Variants in ARHGAP32 observed in about 807,000 individuals in gnomAD.
The protein encoded by ARHGAP32 is rho GTPase-activating protein 32.
A neutral mutation model predicts 186.5 loss-of-function variants in ARHGAP32; 51 were observed. The observed-to-expected ratio is 0.27, with a 90% confidence interval of 0.22 to 0.35. The LOEUF (loss-of-function observed/expected upper bound fraction) is 0.35. Ranked by LOEUF, ARHGAP32 falls within the 10% of genes least tolerant of loss-of-function variation. ARHGAP32 has a pLI of 1.00. For synonymous variants in ARHGAP32, 950 were observed against 964.3 expected, an observed-to-expected ratio of 0.99 and a Z score of 0.27; for missense variants, 2,186 against 2,623.5, an observed-to-expected ratio of 0.83 and a Z score of 3.64.
rs776624375 is a variant in ARHGAP32 at position 129,192,123 on chromosome 11, C to T, written c.76G>A (p.Val26Met). The T allele has an allele frequency of 9.9e-6, 16 of 1,613,882 alleles. No homozygotes were observed. The South Asian group carries it at 1.8e-4, about 18-fold the overall frequency. ...CTTTCTTCCTCTTCACAGTCAGTCA[C>T]CTGGATTATAACTTCAGACTCCAAC... ...FWLESEVIIQ[V>M]TDCEEEEREE... The change falls in exon 1 of 23, where the codon GTG (valine) becomes ATG (methionine). Residue 26 changes from valine to methionine, a missense_variant. Val to Met is a conservative substitution (Grantham distance 21). Around this residue, in one of 5 missense-constraint regions of ARHGAP32, gnomAD observed 108 missense variants for 116.8 expected, o/e 0.92. Transcript: ENST00000682385.
At chr11:129,124,115 C>T (rs1591634179) in intron 3 of ARHGAP32, among the ~76,000 whole-genome samples, 186 bp from the exon 4 acceptor site, 1 of 152,060 alleles carries the variant, frequency 6.6e-6, no homozygotes, top group Non-Finnish European at 1.5e-5. Context: ...CAGATTTTTT[C>T]AGATTTTGGA....
At chr11:129,107,666 C>T (rs963848904) in intron 5 of ARHGAP32, among the ~76,000 whole-genome samples, 83 of 151,970 alleles carry the variant, frequency 5.5e-4, no homozygotes, top group African/African-American at 1.9e-3. Context: ...GTCAGGAGTT[C>T]GAGACCAGCC....
chr11:129,224,599 C>G (rs773143423), intron 1 of ARHGAP32, among the ~76,000 whole-genome samples: 1 of 151,878 alleles, frequency 6.6e-6, no homozygotes, highest in Non-Finnish European at 1.5e-5. Flanking sequence ...TGAAAACCAG[C>G]AACACATAAT....
upstream of ARHGAP32, among the ~76,000 whole-genome samples, chr11:129,193,740 T>A (rs1382231255): frequency 2.1e-3 from 193 of 93,694 alleles, 3 homozygotes; most frequent in African/African-American, 6.9e-3. Flanking sequence ...ATAATATATA[T>A]TATATAATAC....
At chr11:129,108,789 T>C (rs942250074) in intron 5 of ARHGAP32, among the ~76,000 whole-genome samples, 17 of 152,318 alleles carry the variant, frequency 1.1e-4, no homozygotes, top group African/African-American at 3.4e-4. Context: ...AATTTTTAAA[T>C]TGATACATAA....
chr11:129,065,372 G>A (rs73017238), intron 7 of ARHGAP32, among the ~76,000 whole-genome samples: 7 of 151,950 alleles, frequency 4.6e-5, no homozygotes, highest in Admixed American at 1.3e-4. Context: ...TGGTTCAGCC[G>A]ATTGGTCCAG....
At chr11:129,097,583 A>C (rs11221563) in intron 5 of ARHGAP32, among the ~76,000 whole-genome samples, 29,666 of 152,098 alleles carry the variant, frequency 0.2, 3,089 homozygotes, top group Non-Finnish European at 0.23. Flanking sequence ...AGAAACAATT[A>C]GTTAACTTAA....
intron 1 of ARHGAP32, among the ~76,000 whole-genome samples, chr11:129,204,454 C>A (rs1345982001): frequency 2.0e-5 from 3 of 152,164 alleles, no homozygotes; most frequent in Admixed American, 1.3e-4. Flanking sequence ...ACTAAGTTTT[C>A]ATGCTTGAAA....
intron 2 of ARHGAP32, among the ~76,000 whole-genome samples, chr11:129,140,801 A>AT (rs1432212549): frequency 6.6e-6 from 1 of 152,206 alleles, no homozygotes; most frequent in Non-Finnish European, 1.5e-5. Context: ...GCAATCTTGC[A>AT]TTTTAAGTGT....
intron 2 of ARHGAP32, among the ~76,000 whole-genome samples, chr11:129,130,901 G>A (rs1942793277): frequency 6.6e-6 from 1 of 151,932 alleles, no homozygotes; most frequent in Admixed American, 6.6e-5. Flanking sequence ...ATTAACAGAA[G>A]CTTATTCATA....
rs1942593785 is a variant in ARHGAP32 at position 129,123,878 on chromosome 11, C to T, written c.359+10G>A. On this transcript the variant is annotated intron_variant, in intron 4 of 22. Coordinates refer to ENST00000682385, the MANE Select transcript of ARHGAP32 (RefSeq NM_001378024.1). The surrounding 1 kb of genome is among the most constrained non-coding windows in gnomAD (Gnocchi z 4.6). ...GCATTCCCAACACAAAGTAGAAAAC[C>T]AGATTTTACCTGTGAATGTTGTCAC... is the stretch of plus-strand genomic sequence containing the variant. 14 of 1,298,628 alleles carry T rather than the reference C, an allele frequency of 1.1e-5. No individual in the cohort carries two copies. The highest frequency in any genetic ancestry group is 1.3e-5 in the Non-Finnish European group (13 of 995,192). The allele number at this position is 1,298,628 out of a possible 1,614,324, so 80.4% of individuals were successfully genotyped here. A position where few individuals can be genotyped will look rare whatever the true frequency, so the allele number is the denominator to read the frequency against.
At position 128,974,598 on chromosome 11, in the gene ARHGAP32, C is replaced by T; in HGVS notation, c.2599G>A (p.Glu867Lys). 6.2e-7 allele frequency: 1 copy of T among 1,614,190 alleles called. No homozygotes were observed. Among genetic ancestry groups the T allele is most frequent in the South Asian group, 1.1e-5 (1 of 91,076 alleles). Residue 867 changes from glutamate to lysine, a missense_variant, in exon 21 of 23, where the codon GAA (glutamate) becomes AAA (lysine). This residue lies in a region of ARHGAP32 where 1,502 missense variants were observed against 1,570.0 expected (regional missense o/e 0.96). Coordinates refer to ENST00000682385, the MANE Select transcript of ARHGAP32 (RefSeq NM_001378024.1). ...CQTPGSTASS[E>K]PVSPLQEKLS... ...TTCTCCTGAAGAGGAGAGACAGGTT[C>T]AGAGCTTGCTGTGCTTCCTGGAGTC...
At chr11:128,987,788 T>C (rs1415468789) in intron 13 of ARHGAP32, among the ~76,000 whole-genome samples, 1 of 152,100 alleles carries the variant, frequency 6.6e-6, no homozygotes, top group Admixed American at 6.6e-5. Context: ...CTTCAAACAC[T>C]ATAAAGAGGC....
rs114726856 is a variant in ARHGAP32 at position 129,072,647 on chromosome 11, G to A, written c.532-5779C>T. Among the ~76,000 whole-genome samples, 770 of 152,176 alleles carry A rather than the reference G, an allele frequency of 5.1e-3. 4 individuals carry two copies. Among genetic ancestry groups the A allele is most frequent in the African/African-American group, 0.018 (732 of 41,514 alleles). Reference sequence around the variant, plus strand: ...AAACCTCTGTGGGAACCAGTGCTAGGGTAGGAAAACTTAATCTATAATTGA... The same window carrying A: ...AAACCTCTGTGGGAACCAGTGCTAGAGTAGGAAAACTTAATCTATAATTGA... On this transcript the variant is annotated intron_variant, in intron 6 of 22. Transcript: ENST00000682385.
Position 129,177,310 on chromosome 11 carries a change from A to G in ARHGAP32, c.117-12883T>C, listed in dbSNP as rs1943938931. ...GCAATAATCAATAGCTTACCAACCA[A>G]AAAGAGTCCAGGACCAGATGGATTC... On this transcript the variant is annotated intron_variant, in intron 1 of 22. Transcript: ENST00000682385. 1.2e-4 allele frequency among the ~76,000 whole-genome samples: 18 copies of G among 152,206 alleles called. 1 individual carries two copies. In the South Asian group the frequency reaches 3.7e-3, roughly 32 times the overall value.
intron 5 of ARHGAP32, among the ~76,000 whole-genome samples, chr11:129,108,410 G>A (rs958898750): frequency 1.3e-5 from 2 of 152,082 alleles, no homozygotes; most frequent in Non-Finnish European, 2.9e-5. Context: ...TTGATGAAAT[G>A]AGAAAATTCA....
chr11:129,072,470 T>TA (rs1940898962), intron 6 of ARHGAP32, among the ~76,000 whole-genome samples: 2 of 152,158 alleles, frequency 1.3e-5, no homozygotes. Context: ...GGTTAACAAG[T>TA]AAAAAGCTGA....
In ARHGAP32 at chr11:129,213,086, T is replaced by C. The variant is rs1402986476; in HGVS notation, c.-4-48659A>G. 2.0e-5 allele frequency among the ~76,000 whole-genome samples: 3 copies of C among 152,308 alleles called. No individual in the cohort carries two copies. The East Asian group carries it at 5.8e-4, about 29-fold the overall frequency. ...AAAACTTATCTTTCATAATATTATA[T>C]TTCAAATAAAATATAGTATAAGACA... is the stretch of plus-strand genomic sequence containing the variant. On this transcript the variant is annotated intron_variant, in intron 1 of 6. Transcript: ENST00000525234.
chr11:129,062,736 C>G (rs1291774424), intron 9 of ARHGAP32, among the ~76,000 whole-genome samples: 1 of 152,094 alleles, frequency 6.6e-6, no homozygotes, highest in African/African-American at 2.4e-5. Context: ...TTTAAATATT[C>G]ATGTTTAGAA....
Sources: allele counts gnomAD v4.1 joint callset (sites outside exome capture counted in the v4.1 genomes callset), GRCh38; gene constraint gnomAD v4.1.1; regional missense constraint gnomAD v4.1.1; non-coding constraint Gnocchi (gnomAD v3.1); transcripts MANE v1.5; gene names NCBI Gene and HGNC (gene_info 2026-07-23, HGNC 2026-07-21).